Variants in MCCC2 observed in about 807,000 individuals in gnomAD.
MCCC2 encodes methylcrotonoyl-CoA carboxylase beta chain, mitochondrial.
MCCC2 carries 52 observed loss-of-function variants against 77.2 expected under a neutral mutation model. The observed-to-expected ratio is 0.67, with a 90% confidence interval of 0.54 to 0.85. The LOEUF is 0.85. Ranked by LOEUF, MCCC2 falls within the 40% of genes least tolerant of loss-of-function variation. The probability of loss-of-function intolerance (pLI) is 0.00; values close to 1 mark genes in which losing one functional copy is unlikely to be tolerated. For missense variants in MCCC2, 682 were observed against 703.2 expected, an observed-to-expected ratio of 0.97 and a Z score of 0.34; for synonymous variants, 253 against 248.4, an observed-to-expected ratio of 1.02 and a Z score of -0.18.
chr5:71,588,852 T>G (rs987309848), intron 1 of MCCC2, among the ~76,000 whole-genome samples: 4 of 152,128 alleles, frequency 2.6e-5, no homozygotes, highest in African/African-American at 9.7e-5. Flanking sequence ...GAATAGTGTC[T>G]GGTGATGGGA....
At chr5:71,649,029 T>C in intron 13 of MCCC2, 68 bp from the exon 14 acceptor site, 1 of 1,565,590 alleles carries the variant, frequency 6.4e-7, no homozygotes, top group South Asian at 1.1e-5. Context: ...AAGATGTCCT[T>C]TTGGTGGAAT....
intron 16 of MCCC2, among the ~76,000 whole-genome samples, chr5:71,655,069 G>A (rs1747544711): frequency 1.3e-5 from 2 of 152,124 alleles, no homozygotes; most frequent in Admixed American, 1.3e-4. Context: ...CCCAACCTCA[G>A]GTGATCCACC....
intron 16 of MCCC2, among the ~76,000 whole-genome samples, chr5:71,654,221 G>A (rs970345196): frequency 6.6e-6 from 1 of 152,102 alleles, no homozygotes; most frequent in African/African-American, 2.4e-5. Flanking sequence ...GGTCTTGAAT[G>A]CCTGAGCTCA....
At chr5:71,650,372 C>G (rs914473764) in intron 15 of MCCC2, among the ~76,000 whole-genome samples, 189 bp downstream of exon 15, 7 of 152,182 alleles carry the variant, frequency 4.6e-5, no homozygotes, top group Non-Finnish European at 1.0e-4. Context: ...TGTCCTTTAT[C>G]TTTTTAAAGC....
intron 1 of MCCC2, among the ~76,000 whole-genome samples, chr5:71,587,830 T>C (rs1744824922): frequency 6.6e-6 from 1 of 152,244 alleles, no homozygotes; most frequent in East Asian, 1.9e-4. Context: ...TGAGCCCTAC[T>C]CTGGACCTTG....
rs1412838961 is a variant in MCCC2, at chr5:71,632,037, C to A, written c.739-84C>A. On this transcript the variant is annotated intron_variant, in intron 7 of 16. Transcript: ENST00000340941. Reference sequence around the variant, plus strand: ...ATGGAAGAAAAAGTACAGGTATAGTCAGGTGAGGAGTTGTGCATGTTGGGG... The same window carrying A: ...ATGGAAGAAAAAGTACAGGTATAGTAAGGTGAGGAGTTGTGCATGTTGGGG... 55 of 1,143,576 alleles carry A rather than the reference C, an allele frequency of 4.8e-5. 1 individual carries two copies. The South Asian group carries it at 5.9e-4, about 12-fold the overall frequency. The allele number at this position is 1,143,576 out of a possible 1,614,324, so 70.8% of individuals were successfully genotyped here.
At chr5:71,632,595 G>C (rs1056209263) in intron 8 of MCCC2, among the ~76,000 whole-genome samples, 13 of 152,200 alleles carry the variant, frequency 8.5e-5, no homozygotes, top group African/African-American at 2.9e-4. Context: ...AAGGAGAAGA[G>C]GGAAGAGCAT....
In MCCC2 at chr5:71,626,761, C is replaced by T. The variant is rs1746541390; in HGVS notation, c.738+8C>T. 2 of 1,610,756 alleles carry T rather than the reference C, an allele frequency of 1.2e-6. No homozygotes were observed. The highest frequency in any genetic ancestry group is 1.7e-6 in the Non-Finnish European group (2 of 1,176,994). ...TTGGCAGGACCCCCCTTGGTAAGAA[C>T]ATAAGAACGTTGGTCGATGGAAATT... is the stretch of plus-strand genomic sequence containing the variant. On this transcript the variant is annotated splice_region_variant and intron_variant, in intron 7 of 16. Coordinates refer to ENST00000340941, the MANE Select transcript of MCCC2 (RefSeq NM_022132.5).
intron 6 of MCCC2, among the ~76,000 whole-genome samples, chr5:71,609,151 C>T (rs1320887258): frequency 1.3e-5 from 2 of 151,988 alleles, no homozygotes; most frequent in Non-Finnish European, 2.9e-5. Flanking sequence ...TGGATAATAT[C>T]CTGCAGAGTG....
chr5:71,638,823 G>A (rs1747019468), intron 10 of MCCC2, among the ~76,000 whole-genome samples: 1 of 152,082 alleles, frequency 6.6e-6, no homozygotes, highest in Admixed American at 6.6e-5. Context: ...GCCCGGCCCA[G>A]GAAATGTATT....
At chr5:71,626,417 A>G (rs1048779059) in intron 6 of MCCC2, among the ~76,000 whole-genome samples, 11 of 152,196 alleles carry the variant, frequency 7.2e-5, no homozygotes, top group African/African-American at 2.4e-4. Flanking sequence ...GAGATTGTCC[A>G]TAAGTTTTGT....
Position 71,643,954 on chromosome 5 carries a change from G to A in MCCC2, c.1149+59G>A, listed in dbSNP as rs1747204068. Reference sequence around the variant, plus strand: ...GTTTTAATTTAACATAACGTTGAAGGTCAAATAATGAGTTAAAATTTATTG... The same window carrying A: ...GTTTTAATTTAACATAACGTTGAAGATCAAATAATGAGTTAAAATTTATTG... On this transcript the variant is annotated intron_variant, in intron 12 of 16. Coordinates refer to ENST00000340941, the MANE Select transcript of MCCC2 (RefSeq NM_022132.5). The A allele has an allele frequency of 1.2e-5, 19 of 1,602,966 alleles. No individual in the cohort carries two copies. In the Admixed American group the frequency reaches 2.9e-4, roughly 24 times the overall value.
chr5:71,603,544 T>TTTC (rs1187362186), intron 5 of MCCC2, among the ~76,000 whole-genome samples: 1 of 152,172 alleles, frequency 6.6e-6, no homozygotes, highest in African/African-American at 2.4e-5. Flanking sequence ...TTTTGTTTTG[T>TTTC]GTTTTTCTGT....
intron 6 of MCCC2, among the ~76,000 whole-genome samples, chr5:71,614,811 A>T (rs972455055): frequency 1.3e-5 from 2 of 151,936 alleles, no homozygotes; most frequent in East Asian, 3.9e-4. Flanking sequence ...AAATGAAAAA[A>T]TTTTTTATCT....
intron 15 of MCCC2, among the ~76,000 whole-genome samples, chr5:71,650,717 C>T (rs1192645038): frequency 6.6e-6 from 1 of 152,094 alleles, no homozygotes; most frequent in Non-Finnish European, 1.5e-5. Context: ...GGCACGATCT[C>T]GGCTCACTGC....
chr5:71,623,418 G>A (rs975053065), intron 6 of MCCC2, among the ~76,000 whole-genome samples: 7 of 152,136 alleles, frequency 4.6e-5, no homozygotes, highest in African/African-American at 1.2e-4. Context: ...TGTTTCTTAC[G>A]AGCTGCTGGC....
intron 12 of MCCC2, among the ~76,000 whole-genome samples, chr5:71,645,204 C>T (rs1411942665): frequency 1.3e-5 from 2 of 152,094 alleles, no homozygotes; most frequent in African/African-American, 4.8e-5. Flanking sequence ...TTGGCCTCAG[C>T]CTGACGTTTC....
intron 6 of MCCC2, among the ~76,000 whole-genome samples, chr5:71,614,178 A>G (rs1338987107): frequency 6.6e-6 from 1 of 151,926 alleles, no homozygotes; most frequent in African/African-American, 2.4e-5. Context: ...TTAAGTTTCC[A>G]TAGTATCTGT....
chr5:71,606,118 T>A (rs966961587), intron 6 of MCCC2, among the ~76,000 whole-genome samples: 7 of 151,914 alleles, frequency 4.6e-5, no homozygotes, highest in East Asian at 1.9e-4. Flanking sequence ...GAAGAAAGTC[T>A]TTGGTAGCTT....
Sources: gnomAD v4.1 joint callset for allele counts (sites outside exome capture counted in the v4.1 genomes callset) on GRCh38, gnomAD v4.1.1 for gene constraint, MANE v1.5 for transcripts, NCBI Gene and HGNC (gene_info 2026-07-23, HGNC 2026-07-21) for gene names.